The following KCNIP4 variants were observed in gnomAD, a reference collection of about 807,000 sequenced individuals.
KCNIP4 encodes the protein potassium voltage-gated channel interacting protein 4.
Under a neutral mutation model 34.0 loss-of-function variants are expected in KCNIP4, and 12 were observed. The observed-to-expected ratio is 0.35, with a 90% confidence interval of 0.23 to 0.57. The LOEUF is 0.57. Among genes scored for constraint, KCNIP4 ranks in the 20% least tolerant of loss-of-function variants. The pLI is 0.83. For missense variants in KCNIP4, 238 were observed against 311.7 expected (o/e 0.76, Z 1.78); for synonymous variants, 124 against 102.2 (o/e 1.21, Z -1.29).
chr4:21,690,892 C>T (rs1191905060), intron 1 of KCNIP4, among the ~76,000 whole-genome samples: 4 of 152,094 alleles, frequency 2.6e-5, no homozygotes, highest in African/African-American at 9.7e-5. Flanking sequence ...TATAGGTTTA[C>T]TTTACTTCTG....
intron 1 of KCNIP4, among the ~76,000 whole-genome samples, chr4:20,924,078 A>C (rs1291670320): frequency 6.6e-6 from 1 of 152,226 alleles, no homozygotes; most frequent in Non-Finnish European, 1.5e-5. Context: ...GGGATATATT[A>C]AAATGACTGA....
At chr4:21,268,457 G>T (rs4697216) in intron 1 of KCNIP4, among the ~76,000 whole-genome samples, 1 of 151,908 alleles carries the variant, frequency 6.6e-6, no homozygotes, top group East Asian at 1.9e-4. Context: ...TTTAACACCA[G>T]TACCACTGTT....
At position 21,337,096 on chromosome 4, in the gene KCNIP4, G is replaced by T. The variant is rs1716251326; in HGVS notation, c.62-454387C>A. Among the ~76,000 whole-genome samples the T allele has an allele frequency of 2.0e-5, 3 of 146,474 alleles. 1 individual carries two copies. Among genetic ancestry groups the T allele is most frequent in the South Asian group, 4.2e-4 (2 of 4,818 alleles). On this transcript the variant is annotated intron_variant, in intron 1 of 8. Transcript: ENST00000382152. Reference sequence around the variant, plus strand: ...AAGACAGTGAAGGGAGAGGGGCAAGGATAGGGAAAGGGGCAAGGATATGGA... The same window carrying T: ...AAGACAGTGAAGGGAGAGGGGCAAGTATAGGGAAAGGGGCAAGGATATGGA...
chr4:21,248,866 C>T (rs770854372), intron 1 of KCNIP4, among the ~76,000 whole-genome samples: 1 of 152,118 alleles, frequency 6.6e-6, no homozygotes, highest in Admixed American at 6.5e-5. Flanking sequence ...AAGTCAAACA[C>T]CTATTAAATG....
At chr4:21,873,428 G>C (rs1725921206) in intron 1 of KCNIP4, among the ~76,000 whole-genome samples, 1 of 152,042 alleles carries the variant, frequency 6.6e-6, no homozygotes, top group Non-Finnish European at 1.5e-5. Context: ...TACCTCAAAA[G>C]AACAATGCAA....
chr4:21,635,980 T>G (rs1384017167), intron 1 of KCNIP4, among the ~76,000 whole-genome samples: 8 of 151,882 alleles, frequency 5.3e-5, no homozygotes, highest in Non-Finnish European at 8.8e-5. Flanking sequence ...TGAGTTCATG[T>G]CCTTTGTAGG....
chr4:21,363,567 T>C (rs551050056), intron 1 of KCNIP4, among the ~76,000 whole-genome samples: 2 of 152,174 alleles, frequency 1.3e-5, no homozygotes, highest in African/African-American at 2.4e-5. Context: ...CATAGCTCTT[T>C]GGGAAGTAGG....
At chr4:20,870,696 T>C (rs1334990967) in intron 2 of KCNIP4, among the ~76,000 whole-genome samples, 1 of 152,120 alleles carries the variant, frequency 6.6e-6, no homozygotes. Flanking sequence ...GGAATAAAAA[T>C]CATCTTTTGG....
chr4:20,920,295 C>A (rs376657280), intron 1 of KCNIP4, among the ~76,000 whole-genome samples: 1 of 151,974 alleles, frequency 6.6e-6, no homozygotes, highest in South Asian at 2.1e-4. Context: ...ACAGCCCTGC[C>A]GATATGGACT....
chr4:21,191,081 T>C (rs982425582), intron 1 of KCNIP4, among the ~76,000 whole-genome samples: 1 of 152,202 alleles, frequency 6.6e-6, no homozygotes, highest in Non-Finnish European at 1.5e-5. Flanking sequence ...CTCTTTGCAT[T>C]CAATTTGTCA....
chr4:21,442,124 T>G (rs1315843308), intron 1 of KCNIP4, among the ~76,000 whole-genome samples: 1 of 152,196 alleles, frequency 6.6e-6, no homozygotes, highest in East Asian at 1.9e-4. Flanking sequence ...ATCAAGAAAT[T>G]GTACTCTGCA....
intron 1 of KCNIP4, among the ~76,000 whole-genome samples, chr4:21,796,324 C>T (rs949208831): frequency 5.3e-5 from 8 of 152,084 alleles, no homozygotes; most frequent in African/African-American, 1.9e-4. Flanking sequence ...CAGCTTTCTC[C>T]CCTCCCTGTA....
chr4:21,365,125 T>A (rs1038034944), intron 1 of KCNIP4, among the ~76,000 whole-genome samples: 1 of 152,176 alleles, frequency 6.6e-6, no homozygotes, highest in Non-Finnish European at 1.5e-5. Context: ...AAGACTAACA[T>A]GATTATCTCT....
At chr4:21,853,270 A>G (rs1213536912) in intron 1 of KCNIP4, 1 of 152,176 alleles carries the variant, frequency 6.6e-6, no homozygotes, top group African/African-American at 2.4e-5. Flanking sequence ...AAGTCACTTT[A>G]AAATATAGGG....
chr4:21,947,052 C>T (rs1000439141), intron 1 of KCNIP4, among the ~76,000 whole-genome samples: 1 of 152,186 alleles, frequency 6.6e-6, no homozygotes, highest in African/African-American at 2.4e-5. Context: ...CCATCCAGAT[C>T]CTGAGACGAC....
chr4:21,659,319 T>G (rs1045032087), intron 1 of KCNIP4, among the ~76,000 whole-genome samples: 5 of 152,162 alleles, frequency 3.3e-5, no homozygotes, highest in African/African-American at 1.2e-4. Context: ...AACCATAAAT[T>G]TTTAAAATCT....
chr4:21,458,234 A>G (rs1268070961), intron 1 of KCNIP4, among the ~76,000 whole-genome samples: 1 of 147,430 alleles, frequency 6.8e-6, no homozygotes, highest in African/African-American at 2.5e-5. Flanking sequence ...ATGAGTGAGA[A>G]TATGCGGTGT....
At chr4:21,539,762 C>T (rs1214548717) in intron 1 of KCNIP4, among the ~76,000 whole-genome samples, 2 of 151,942 alleles carry the variant, frequency 1.3e-5, no homozygotes, top group African/African-American at 2.4e-5. Context: ...AGGCGGATCC[C>T]GAGGTCAGGA....
chr4:21,876,319 T>C (rs1358393825), intron 1 of KCNIP4, among the ~76,000 whole-genome samples: 1 of 152,178 alleles, frequency 6.6e-6, no homozygotes, highest in Non-Finnish European at 1.5e-5. Flanking sequence ...CTCTGTGCTT[T>C]GTTGCTTACA....
Sources: gnomAD v4.1 joint callset for allele counts (sites outside exome capture counted in the v4.1 genomes callset) on GRCh38, gnomAD v4.1.1 for gene constraint, MANE v1.5 for transcripts, NCBI Gene and HGNC (gene_info 2026-07-23, HGNC 2026-07-21) for gene names.